Variants in MGAM2 observed in about 807,000 individuals in gnomAD.
MGAM2 encodes maltase-glucoamylase 2 (putative).
A neutral mutation model predicts 96.1 loss-of-function variants in MGAM2; 98 were observed. The ratio of observed to expected loss-of-function variants is 1.02; its 90% confidence interval spans 0.87 to 1.21. MGAM2 has a LOEUF of 1.21. MGAM2 is among the 50% of genes most tolerant of loss of function. MGAM2 has a pLI of 0.00. For synonymous variants in MGAM2, 749 were observed against 414.8 expected (o/e 1.81, Z -9.79); for missense variants, 2,055 against 1,182.4 (o/e 1.74, Z -10.82).
At chr7:142,141,234 G>T (rs1308697310) in intron 12 of MGAM2, 115 bp downstream of exon 12, 1 of 589,588 alleles carries the variant, frequency 1.7e-6, no homozygotes, top group Non-Finnish European at 3.0e-6. Context: ...TGGCTTTAGA[G>T]GTTTCTTTTA....
intron 25 of MGAM2, among the ~76,000 whole-genome samples, chr7:142,166,702 T>G (rs7794533): frequency 0.2 from 29,649 of 152,040 alleles, 4,228 homozygotes; most frequent in African/African-American, 0.4. Context: ...CCTGTCTCCC[T>G]ATCAAACTTC....
chr7:142,128,885 G>A (rs893698076), intron 3 of MGAM2, among the ~76,000 whole-genome samples: 14 of 151,096 alleles, frequency 9.3e-5, no homozygotes, highest in South Asian at 4.2e-4. Flanking sequence ...CCACTGGGGC[G>A]CAGCCTAGTG....
intron 32 of MGAM2, among the ~76,000 whole-genome samples, chr7:142,177,639 G>T (rs12539056): frequency 0.19 from 28,745 of 152,056 alleles, 3,003 homozygotes; most frequent in East Asian, 0.34. Context: ...GTCTGTTCCT[G>T]CATTAATTCA....
At position 142,197,432 on chromosome 7, in the gene MGAM2, T is replaced by G. The variant is rs1257385690; in HGVS notation, c.4665T>G (p.Phe1555Leu). 1 of 702,984 alleles carries G rather than the reference T, an allele frequency of 1.4e-6. No homozygotes were observed. Among genetic ancestry groups the G allele is most frequent in the South Asian group, 1.5e-5 (1 of 67,584 alleles). The allele number at this position is 702,984 out of a possible 1,614,324, so 43.5% of individuals were successfully genotyped here. A position where few individuals can be genotyped will look rare whatever the true frequency, so the allele number is the denominator to read the frequency against. The stretch of plus-strand genomic sequence containing the variant: ...ATCCTGTGGCCTGGAATTCAACCTT[T>G]GAGATGTTGTCCAGAAAAGTCCTAG... The part of the protein sequence containing the change: ...RQDPVAWNST[F>L]EMLSRKVLET... The change falls in exon 41 of 48, where the codon TTT (phenylalanine) becomes TTG (leucine). Residue 1555 changes from phenylalanine (F) to leucine (L), a missense_variant. Phe to Leu is a conservative substitution (Grantham distance 22, BLOSUM62 0). Coordinates refer to ENST00000477922, the MANE Select transcript of MGAM2 (RefSeq NM_001293626.2).
intron 46 of MGAM2, among the ~76,000 whole-genome samples, chr7:142,214,688 A>G (rs1029916069): frequency 6.6e-6 from 1 of 152,192 alleles, no homozygotes; most frequent in Non-Finnish European, 1.5e-5. Context: ...ATGCTCATGG[A>G]TAGGAAGAAT....
intron 3 of MGAM2, among the ~76,000 whole-genome samples, chr7:142,128,397 A>G (rs1794786203): frequency 6.6e-6 from 1 of 152,270 alleles, no homozygotes; most frequent in African/African-American, 2.4e-5. Flanking sequence ...AGCCAGCTGC[A>G]GAAATTTACA....
rs1314642791 is a variant in MGAM2 at position 142,159,273 on chromosome 7, T to C, written c.2164-14T>C. The C allele has an allele frequency of 2.8e-6, 2 of 702,010 alleles. No individual in the cohort carries two copies. Among genetic ancestry groups the C allele is most frequent in the Admixed American group, 4.0e-5 (2 of 49,992 alleles). 43.5% of individuals were successfully genotyped at this position (702,010 alleles called of 1,614,324 possible). A position where few individuals can be genotyped will look rare whatever the true frequency, so the allele number is the denominator to read the frequency against. ...GGGGTATGCTAATGCTACTCATTAT[T>C]GTTGTTTACCTAGGGTGTGGACGAA... On this transcript the variant is annotated splice_polypyrimidine_tract_variant and intron_variant, in intron 19 of 47. Coordinates refer to ENST00000477922, the MANE Select transcript of MGAM2 (RefSeq NM_001293626.2).
intron 3 of MGAM2, among the ~76,000 whole-genome samples, chr7:142,121,561 C>T (rs546267735): frequency 2.2e-4 from 34 of 152,126 alleles, no homozygotes; most frequent in Middle Eastern, 3.4e-3. Flanking sequence ...GTTTTCCCTA[C>T]GTATTTCACA....
intron 8 of MGAM2, 73 bp from the exon 9 acceptor site, chr7:142,137,360 A>G (rs1795088728): frequency 1.7e-6 from 1 of 581,602 alleles, no homozygotes; most frequent in Non-Finnish European, 3.1e-6. Context: ...TAGGTGGCTC[A>G]ACTATTTCTA....
intron 10 of MGAM2, among the ~76,000 whole-genome samples, 162 bp from the exon 11 acceptor site, chr7:142,140,640 C>G (rs1795192479): frequency 1.3e-5 from 2 of 152,146 alleles, no homozygotes; most frequent in South Asian, 4.1e-4. Context: ...TCATGTCTTT[C>G]AAAGATAGCT....
At chr7:142,141,731 C>T (rs944109831) in intron 12 of MGAM2, among the ~76,000 whole-genome samples, 1 of 151,964 alleles carries the variant, frequency 6.6e-6, no homozygotes, top group African/African-American at 2.4e-5. Flanking sequence ...AACTCCTGAC[C>T]TCAGGTGATT....
rs984445288 is a variant in MGAM2 at position 142,162,621 on chromosome 7, A to G, written c.2484+617A>G. ...TTTTTCTCCTTTCTTTTAAATGTGT[A>G]TATATGTATCTGTACCTATACATAT... On this transcript the variant is annotated intron_variant, in intron 23 of 47. Transcript: ENST00000477922. Among the ~76,000 whole-genome samples, 9 of 151,688 alleles carry G rather than the reference A, an allele frequency of 5.9e-5. No individual in the cohort carries two copies. In the East Asian group the frequency reaches 9.7e-4, roughly 16 times the overall value.
At chr7:142,157,773 G>A (rs959349153) in intron 17 of MGAM2, among the ~76,000 whole-genome samples, 164 bp from the exon 18 acceptor site, 1 of 152,168 alleles carries the variant, frequency 6.6e-6, no homozygotes, top group Non-Finnish European at 1.5e-5. Flanking sequence ...GTTTTCTCAT[G>A]TATAAAATGA....
At chr7:142,132,955 T>C (rs1218086840) in intron 6 of MGAM2, among the ~76,000 whole-genome samples, 5 of 131,190 alleles carry the variant, frequency 3.8e-5, no homozygotes, top group African/African-American at 5.9e-5. Flanking sequence ...ATATTATATA[T>C]GCATTTATAT....
intron 32 of MGAM2, among the ~76,000 whole-genome samples, chr7:142,179,803 G>A (rs777997923): frequency 5.9e-5 from 9 of 152,012 alleles, no homozygotes; most frequent in Non-Finnish European, 8.8e-5. Context: ...TGTTCATCAG[G>A]GATATCAGCC....
rs544438853 is a variant in MGAM2 at position 142,193,569 on chromosome 7, G to A, written c.4347-2585G>A. On this transcript the variant is annotated intron_variant, in intron 37 of 47. Coordinates refer to ENST00000477922, the MANE Select transcript of MGAM2 (RefSeq NM_001293626.2). The stretch of plus-strand genomic sequence containing the variant: ...TCATGCTACATCCTCTGCTGACCTT[G>A]AGGTTCACAATATTGAGGTTCATAA... Among the ~76,000 whole-genome samples, 4 of 152,260 alleles carry A rather than the reference G, an allele frequency of 2.6e-5. No individual in the cohort carries two copies. In the East Asian group the frequency reaches 5.8e-4, roughly 22 times the overall value.
At position 142,120,381 on chromosome 7, in the gene MGAM2, G is replaced by A. The variant is rs1249261103; in HGVS notation, c.186G>A (p.Glu62=). ...GCACACCTGACCAGGAGGTGACCGA[G>A]GTCAGAGAAATAAGGTCCCTTTTGG... ...IDCTPDQEVT[E]DICRWQYKCC... The change falls in exon 3 of 48, where the codon GAG becomes GAA. Residue 62 remains glutamate (E), a splice_region_variant and synonymous_variant. Transcript: ENST00000477922. The A allele has an allele frequency of 1.4e-6, 1 of 702,744 alleles. No individual in the cohort carries two copies. The highest frequency in any genetic ancestry group is 2.7e-5 in the East Asian group (1 of 37,280). 43.5% of individuals were successfully genotyped at this position (702,744 alleles called of 1,614,324 possible). A position where few individuals can be genotyped will look rare whatever the true frequency, so the allele number is the denominator to read the frequency against.
At chr7:142,174,381 G>T (rs1208040583) in intron 31 of MGAM2, among the ~76,000 whole-genome samples, 1 of 152,044 alleles carries the variant, frequency 6.6e-6, no homozygotes, top group East Asian at 1.9e-4. Flanking sequence ...TCCTTGTAGA[G>T]ATCTTTCACC....
At chr7:142,165,725 A>T (rs184028460) in intron 24 of MGAM2, among the ~76,000 whole-genome samples, 1 of 152,220 alleles carries the variant, frequency 6.6e-6, no homozygotes, top group African/African-American at 2.4e-5. Context: ...ATTAATGGAG[A>T]TCATGCTTAT....
Sources: gnomAD v4.1 joint callset for allele counts (sites outside exome capture counted in the v4.1 genomes callset) on GRCh38, gnomAD v4.1.1 for gene constraint, MANE v1.5 for transcripts, NCBI Gene and HGNC (gene_info 2026-07-23, HGNC 2026-07-21) for gene names.